The following BICD2 variants were observed in gnomAD, a reference collection of about 807,000 sequenced individuals.
The protein encoded by BICD2 is BICD cargo adaptor 2.
Under a neutral mutation model 72.9 loss-of-function variants are expected in BICD2, and 25 were observed. The ratio of observed to expected loss-of-function variants is 0.34; its 90% CI spans 0.25 to 0.48. The LOEUF (loss-of-function observed/expected upper bound fraction) is 0.48. BICD2 is among the 20% of genes least tolerant of loss of function. The pLI, the probability that BICD2 is intolerant of heterozygous loss-of-function variation, is 0.99. For missense variants in BICD2, 894 were observed against 1,175.2 expected, an observed-to-expected ratio of 0.76 and a Z score of 3.50; for synonymous variants, 501 against 516.1, an observed-to-expected ratio of 0.97 and a Z score of 0.40.
chr9:92,738,847 G>A (rs544222962), intron 1 of BICD2, among the ~76,000 whole-genome samples: 4 of 152,336 alleles, frequency 2.6e-5, no homozygotes, highest in Admixed American at 2.0e-4. Context: ...ATTCCAATGA[G>A]GCAGGACTTG....
chr9:92,720,614 C>T lies in BICD2; in HGVS notation c.748G>A (p.Glu250Lys). ...LEEALETLKT[E>K]REQKNSLRKE... ...CGCAGGCTGTTCTTCTGTTCGCGCT[C>T]CGTCTTCAGGGTCTCCAGCGCCTCC... is the stretch of plus-strand genomic sequence containing the variant. The change falls in exon 4 of 7, where the codon GAG becomes AAG. Residue 250 changes from glutamate to lysine, a missense_variant. Physicochemically the swap from Glu to Lys is moderately conservative, Grantham distance 56. Transcript: ENST00000356884. The surrounding 1 kb of genome is among the most constrained non-coding windows in gnomAD (Gnocchi z 5.4). 1 of 1,614,162 alleles carries T rather than the reference C, an allele frequency of 6.2e-7. No individual in the cohort carries two copies. The highest frequency in any genetic ancestry group is 1.3e-5 in the African/African-American group (1 of 75,032).
intron 1 of BICD2, among the ~76,000 whole-genome samples, chr9:92,748,812 G>A (rs532698949): frequency 2.6e-4 from 39 of 152,266 alleles, no homozygotes; most frequent in African/African-American, 8.9e-4. Context: ...TGAATCATGT[G>A]TCTTCACACA....
At position 92,714,178 on chromosome 9, in the gene BICD2, C is replaced by A; in HGVS notation, c.*976G>T. On this transcript the variant is annotated 3_prime_UTR_variant, in exon 7 of 7. Coordinates refer to ENST00000356884, the MANE Select transcript of BICD2 (RefSeq NM_001003800.2). ...CTGGCCCTATGCAAAGCTTTCCCAG[C>A]ACCGGGCTGGGCTCTGGATACACCT... 7 of 985,582 alleles carry A rather than the reference C, an allele frequency of 7.1e-6. No homozygotes were observed. Among genetic ancestry groups the A allele is most frequent in the Non-Finnish European group, 8.4e-6 (7 of 830,032 alleles). The allele number at this position is 985,582 out of a possible 1,614,324, so 61.1% of individuals were successfully genotyped here.
At chr9:92,760,279 C>T (rs566267877) in intron 1 of BICD2, among the ~76,000 whole-genome samples, 4 of 152,334 alleles carry the variant, frequency 2.6e-5, no homozygotes, top group African/African-American at 7.2e-5. Flanking sequence ...AGCATGCTCG[C>T]TTGGCATCCC....
intron 1 of BICD2, among the ~76,000 whole-genome samples, chr9:92,758,248 ATAAG>A (rs1190400400): frequency 1.4e-5 from 2 of 145,878 alleles, no homozygotes; most frequent in African/African-American, 2.5e-5. Flanking sequence ...AAATAAATAA[ATAAG>A]TAAATAATGA....
chr9:92,755,726 A>C (rs1195033054), intron 1 of BICD2, among the ~76,000 whole-genome samples: 1 of 152,166 alleles, frequency 6.6e-6, no homozygotes, highest in East Asian at 1.9e-4. Context: ...ACCAGCCCTT[A>C]CACCCCAGCA....
chr9:92,762,657 A>C (rs1854396067), intron 1 of BICD2, among the ~76,000 whole-genome samples: 1 of 152,206 alleles, frequency 6.6e-6, no homozygotes, highest in African/African-American at 2.4e-5. Context: ...CACTGTGCCA[A>C]AACGTTTGTG....
chr9:92,756,279 T>C (rs1227740301), intron 1 of BICD2, among the ~76,000 whole-genome samples: 2 of 151,236 alleles, frequency 1.3e-5, no homozygotes, highest in Non-Finnish European at 3.0e-5. Flanking sequence ...TTTTTTTGTC[T>C]GAGACGGAGT....
In BICD2 at chr9:92,715,130, G is replaced by A. The variant is rs1853275556; in HGVS notation, c.*24C>T. On this transcript the variant is annotated 3_prime_UTR_variant, in exon 7 of 7. Coordinates refer to ENST00000356884, the MANE Select transcript of BICD2 (RefSeq NM_001003800.2). ...AGTTGAGGTGAAGCAGATGTTAGCT[G>A]CAGCGTGCGGCGCCCCACAGCCCCT... 6.5e-7 allele frequency: 1 copy of A among 1,544,314 alleles called. No individual in the cohort carries two copies. Among genetic ancestry groups the A allele is most frequent in the Non-Finnish European group, 8.8e-7 (1 of 1,141,722 alleles).
chr9:92,719,907 C>T lies in BICD2; in HGVS notation c.1063-325G>A, dbSNP rs545491853. Among the ~76,000 whole-genome samples the T allele has an allele frequency of 7.2e-5, 11 of 152,350 alleles. No homozygotes were observed. In the South Asian group the frequency reaches 2.1e-3, roughly 29 times the overall value. On this transcript the variant is annotated intron_variant, in intron 4 of 6. Coordinates refer to ENST00000356884, the MANE Select transcript of BICD2 (RefSeq NM_001003800.2). ...CTGGGTGTGTAGTCGGGAATATTAG[C>T]ACCCTAGCCCTCTGCTTCGGAGGAC...
intron 2 of BICD2, among the ~76,000 whole-genome samples, chr9:92,726,696 C>T (rs1457425693): frequency 1.3e-5 from 2 of 152,120 alleles, no homozygotes; most frequent in East Asian, 1.9e-4. Flanking sequence ...ATGGGGGACA[C>T]AGCAGACCCA....
intron 1 of BICD2, among the ~76,000 whole-genome samples, chr9:92,763,458 C>A (rs1429589709): frequency 6.6e-6 from 1 of 152,154 alleles, no homozygotes; most frequent in Non-Finnish European, 1.5e-5. Flanking sequence ...TTTCTGGGCA[C>A]GCAGTACTGC....
intron 1 of BICD2, among the ~76,000 whole-genome samples, chr9:92,748,923 T>A (rs1053144481): frequency 2.6e-5 from 4 of 152,104 alleles, no homozygotes; most frequent in Non-Finnish European, 4.4e-5. Context: ...ATAAGGCTTC[T>A]CACTCCAAAA....
chr9:92,748,129 T>G (rs1195456199), intron 1 of BICD2, among the ~76,000 whole-genome samples: 1 of 152,076 alleles, frequency 6.6e-6, no homozygotes, highest in Non-Finnish European at 1.5e-5. Flanking sequence ...CATCCCTCTC[T>G]CTCCAGCCAG....
chr9:92,717,663 G>A, intron 6 of BICD2, 134 bp downstream of exon 6: 1 of 1,202,396 alleles, frequency 8.3e-7, no homozygotes, highest in Non-Finnish European at 1.1e-6. Context: ...GGCCCTGATG[G>A]AGCTGGGCAC....
intron 1 of BICD2, among the ~76,000 whole-genome samples, chr9:92,743,985 G>T (rs1050628111): frequency 6.6e-6 from 1 of 152,166 alleles, no homozygotes; most frequent in Admixed American, 6.5e-5. Flanking sequence ...AACACATCAA[G>T]TGCCCGTGGT....
intron 1 of BICD2, among the ~76,000 whole-genome samples, chr9:92,743,174 G>A (rs1441124466): frequency 6.6e-6 from 1 of 152,010 alleles, no homozygotes; most frequent in African/African-American, 2.4e-5. Context: ...CATCCCAGTG[G>A]ATATGAGATC....
In BICD2 at chr9:92,719,445, C is replaced by T; in HGVS notation, c.1200G>A (p.Leu400=). ...LTENLSALRR[L]QASKERQTAL... ...CTGTCTGCCGCTCCTTGCTGGCCTG[C>T]AGGCGCCGCAGGGCACTCAGATTCT... The change falls in exon 5 of 7, where the codon CTG becomes CTA. Residue 400 remains leucine (L), a synonymous_variant. Coordinates refer to ENST00000356884, the MANE Select transcript of BICD2 (RefSeq NM_001003800.2). The T allele has an allele frequency of 6.2e-7, 1 of 1,614,136 alleles. No homozygotes were observed. The highest frequency in any genetic ancestry group is 8.5e-7 in the Non-Finnish European group (1 of 1,180,028).
chr9:92,713,669 A>C lies in BICD2; in HGVS notation c.*1485T>G. The stretch of plus-strand genomic sequence containing the variant: ...AGAGAAGCTATGTGCCAGGCTTGCA[A>C]GGAGAGGGCAAAGCGCATGCAGGGT... On this transcript the variant is annotated 3_prime_UTR_variant, in exon 7 of 7. Transcript: ENST00000356884. The C allele has an allele frequency of 7.0e-7, 1 of 1,437,556 alleles. No individual in the cohort carries two copies. Among genetic ancestry groups the C allele is most frequent in the Non-Finnish European group, 9.2e-7 (1 of 1,090,898 alleles). The allele number at this position is 1,437,556 out of a possible 1,614,324, so 89.1% of individuals were successfully genotyped here. A position where few individuals can be genotyped will look rare whatever the true frequency, so the allele number is the denominator to read the frequency against.
Sources: allele counts gnomAD v4.1 joint callset (sites outside exome capture counted in the v4.1 genomes callset), GRCh38; gene constraint gnomAD v4.1.1; non-coding constraint Gnocchi (gnomAD v3.1); transcripts MANE v1.5; gene names NCBI Gene and HGNC (gene_info 2026-07-23, HGNC 2026-07-21).